EPHA6: variants seen among roughly 807,000 people sequenced by gnomAD.
EPHA6 encodes EPH receptor A6.
In EPHA6, 50 loss-of-function variants were observed where a neutral mutation model predicts 112.0. The ratio of observed to expected loss-of-function variants is 0.45; its 90% confidence interval spans 0.36 to 0.56. The LOEUF (loss-of-function observed/expected upper bound fraction) is 0.56, where lower values mean the gene tolerates loss of function less well. EPHA6 is among the 20% of genes least tolerant of loss of function. The pLI, the probability that EPHA6 is intolerant of heterozygous loss-of-function variation, is 0.00. For missense variants in EPHA6, 1,280 were observed against 1,417.4 expected, an observed-to-expected ratio of 0.90 and a Z score of 1.56; for synonymous variants, 529 against 490.7, an observed-to-expected ratio of 1.08 and a Z score of -1.03.
intron 3 of EPHA6, among the ~76,000 whole-genome samples, chr3:97,015,923 A>C (rs2107961601): frequency 6.6e-6 from 1 of 152,254 alleles, no homozygotes; most frequent in African/African-American, 2.4e-5. Context: ...AAGGAAAATC[A>C]GTGTTTTTAC....
chr3:97,142,797 A>C (rs962662838), intron 3 of EPHA6, among the ~76,000 whole-genome samples: 1 of 151,888 alleles, frequency 6.6e-6, no homozygotes, highest in African/African-American at 2.4e-5. Flanking sequence ...TACAATAAAA[A>C]CCCTCAACAA....
intron 6 of EPHA6, among the ~76,000 whole-genome samples, chr3:97,433,273 T>G (rs1352071451): frequency 6.6e-6 from 1 of 152,188 alleles, no homozygotes; most frequent in East Asian, 1.9e-4. Context: ...CCTTACATAG[T>G]AAAAAGAGAA....
At chr3:97,115,480 A>T (rs1451774971) in intron 3 of EPHA6, among the ~76,000 whole-genome samples, 5 of 151,872 alleles carry the variant, frequency 3.3e-5, no homozygotes, top group African/African-American at 1.2e-4. Flanking sequence ...ATGTTAATTT[A>T]CTTTAAAAAT....
chr3:97,476,251 A>G (rs2107464377), intron 8 of EPHA6, among the ~76,000 whole-genome samples: 1 of 152,270 alleles, frequency 6.6e-6, no homozygotes, highest in East Asian at 1.9e-4. Context: ...TTCTAACAAG[A>G]AGATAAAATA....
In EPHA6 at chr3:97,187,688, GGAAAGAAAGAAAGAAAGAAAGAAA is replaced by G. The variant is rs71113853; in HGVS notation, c.1115-38541_1115-38518del. 6.0e-3 allele frequency among the ~76,000 whole-genome samples: 648 copies of G among 108,072 alleles called. 3 individuals are homozygous for G. The highest frequency in any genetic ancestry group is 0.018 in the Middle Eastern group (4 of 224). The allele number at this position is 108,072 out of a possible 152,430, so 70.9% of individuals were successfully genotyped here. On this transcript the variant is annotated intron_variant, in intron 3 of 17. Coordinates refer to ENST00000389672, the MANE Select transcript of EPHA6 (RefSeq NM_001080448.3). ...GAAAGAAAGAAAGAGAAAGAAAGAA[GGAAAGAAAGAAAGAAAGAAAGAAA>G]GAAAGAAAGAAAGAAAGAAAGAAAG... is the stretch of plus-strand genomic sequence containing the variant.
chr3:97,129,745 G>A (rs1017283390), intron 3 of EPHA6, among the ~76,000 whole-genome samples: 3 of 152,090 alleles, frequency 2.0e-5, no homozygotes, highest in African/African-American at 4.8e-5. Flanking sequence ...GGAGCAGCAG[G>A]GTTGGGGAGT....
intron 11 of EPHA6, among the ~76,000 whole-genome samples, chr3:97,545,430 C>T (rs531694457): frequency 7.9e-4 from 120 of 152,200 alleles, no homozygotes; most frequent in African/African-American, 2.7e-3. Context: ...GTCTGAGAGA[C>T]AGTTTGTTGT....
intron 5 of EPHA6, among the ~76,000 whole-genome samples, chr3:97,353,882 G>T (rs996987693): frequency 2.0e-5 from 3 of 152,098 alleles, no homozygotes; most frequent in Non-Finnish European, 2.9e-5. Context: ...GTGGCCACAG[G>T]GGTGCTTATG....
chr3:97,271,383 G>A (rs956764189), intron 5 of EPHA6, among the ~76,000 whole-genome samples: 1 of 152,142 alleles, frequency 6.6e-6, no homozygotes, highest in African/African-American at 2.4e-5. Context: ...TTTTGAGACG[G>A]AGTCTCGCTC....
At chr3:97,494,456 T>A (rs1160379818) in intron 10 of EPHA6, among the ~76,000 whole-genome samples, 2 of 152,186 alleles carry the variant, frequency 1.3e-5, no homozygotes, top group Non-Finnish European at 2.9e-5. Flanking sequence ...TCAATTTAAA[T>A]TTTGAGAACA....
At chr3:97,377,711 T>A (rs1162977554) in intron 5 of EPHA6, among the ~76,000 whole-genome samples, 1 of 152,128 alleles carries the variant, frequency 6.6e-6, no homozygotes, top group Non-Finnish European at 1.5e-5. Flanking sequence ...AGGTGACTCT[T>A]GTTATGTTTT....
chr3:96,856,635 T>C (rs2035715329), intron 1 of EPHA6, among the ~76,000 whole-genome samples: 2 of 152,208 alleles, frequency 1.3e-5, no homozygotes, highest in African/African-American at 2.4e-5. Context: ...AAATAGAAAA[T>C]TTATCTGTGT....
intron 14 of EPHA6, among the ~76,000 whole-genome samples, chr3:97,713,799 G>T (rs888513104): frequency 2.6e-5 from 4 of 152,218 alleles, no homozygotes; most frequent in African/African-American, 9.6e-5. Flanking sequence ...TATCAGGCTG[G>T]TCAAGCTGCA....
chr3:97,216,022 C>A (rs559757539), intron 3 of EPHA6, among the ~76,000 whole-genome samples: 2 of 152,256 alleles, frequency 1.3e-5, no homozygotes, highest in South Asian at 2.1e-4. Flanking sequence ...GGAAAAGAAA[C>A]TACATCAGGT....
intron 5 of EPHA6, among the ~76,000 whole-genome samples, chr3:97,301,419 G>A (rs2081086555): frequency 6.6e-6 from 1 of 152,026 alleles, no homozygotes; most frequent in Admixed American, 6.6e-5. Flanking sequence ...TTCTTACTAT[G>A]TATCAGGCAG....
At chr3:97,701,163 C>G (rs1286476792) in intron 14 of EPHA6, among the ~76,000 whole-genome samples, 1 of 152,058 alleles carries the variant, frequency 6.6e-6, no homozygotes, top group South Asian at 2.1e-4. Context: ...CTAATGGAAC[C>G]TATAAACCAA....
intron 5 of EPHA6, among the ~76,000 whole-genome samples, chr3:97,369,723 G>T (rs914941751): frequency 1.3e-5 from 2 of 151,912 alleles, no homozygotes; most frequent in African/African-American, 4.8e-5. Flanking sequence ...TAATTTATCT[G>T]GCTTCTTTAT....
chr3:97,723,550 A>G lies in EPHA6; in HGVS notation c.2934+3140A>G, dbSNP rs531207513. 3.9e-5 allele frequency among the ~76,000 whole-genome samples: 6 copies of G among 152,336 alleles called. No homozygotes were observed. The South Asian group carries it at 1.2e-3, about 32-fold the overall frequency. The stretch of plus-strand genomic sequence containing the variant: ...GTTCAGGATTGCCAATGCTCACAGC[A>G]CAAGGCTGAACTCTTCCTCCACCCA... On this transcript the variant is annotated intron_variant, in intron 15 of 17. Coordinates refer to ENST00000389672, the MANE Select transcript of EPHA6 (RefSeq NM_001080448.3).
chr3:97,038,309 C>T (rs1036488189), intron 3 of EPHA6, among the ~76,000 whole-genome samples: 2 of 143,876 alleles, frequency 1.4e-5, no homozygotes, highest in Admixed American at 6.9e-5. Flanking sequence ...TTCATCCTTT[C>T]CCCCCCCATG....
Sources: allele counts gnomAD v4.1 joint callset (sites outside exome capture counted in the v4.1 genomes callset), GRCh38; gene constraint gnomAD v4.1.1; transcripts MANE v1.5; gene names NCBI Gene and HGNC (gene_info 2026-07-23, HGNC 2026-07-21).